The following CSMD1 variants were observed in gnomAD, a reference collection of about 807,000 sequenced individuals.
CSMD1 encodes CUB and Sushi multiple domains 1.
Under a neutral mutation model 417.5 loss-of-function variants are expected in CSMD1, and 213 were observed. The ratio of observed to expected loss-of-function variants is 0.51; its 90% CI spans 0.46 to 0.57. The LOEUF is 0.57. Ranked by LOEUF, CSMD1 falls within the 20% of genes least tolerant of loss-of-function variation. The pLI is 0.00. For synonymous variants in CSMD1, 2,862 were observed against 1,736.8 expected (o/e 1.65, Z -16.11); for missense variants, 6,923 against 4,529.7 (o/e 1.53, Z -15.17).
intron 2 of CSMD1, among the ~76,000 whole-genome samples, chr8:4,485,164 C>T (rs1029612123): frequency 2.0e-5 from 3 of 152,024 alleles, no homozygotes; most frequent in Non-Finnish European, 4.4e-5. Flanking sequence ...CCTTAGATGT[C>T]TACTGATTTG....
chr8:4,131,722 T>G (rs1803116012), intron 3 of CSMD1, among the ~76,000 whole-genome samples: 1 of 151,616 alleles, frequency 6.6e-6, no homozygotes, highest in African/African-American at 2.4e-5. Flanking sequence ...AACAATGCAG[T>G]TGTTATCAAG....
At chr8:3,075,272 C>T (rs199888126) in intron 49 of CSMD1, among the ~76,000 whole-genome samples, 7 of 69,806 alleles carry the variant, frequency 1.0e-4, no homozygotes, top group Non-Finnish European at 9.9e-5. Flanking sequence ...CTTTTCTTTT[C>T]TTTCTTTCTT....
intron 3 of CSMD1, among the ~76,000 whole-genome samples, chr8:4,104,396 G>A (rs916422834): frequency 2.0e-5 from 3 of 151,978 alleles, no homozygotes; most frequent in Non-Finnish European, 2.9e-5. Context: ...ACACACACAC[G>A]TGTACACACA....
At position 4,759,599 on chromosome 8, in the gene CSMD1, G is replaced by A. The variant is rs537774734; in HGVS notation, c.86-122041C>T. On this transcript the variant is annotated intron_variant, in intron 1 of 69. Coordinates refer to ENST00000635120, the MANE Select transcript of CSMD1 (RefSeq NM_033225.6). ...CCCCTGTCAGGTCCCCATGTGTGTT[G>A]TTCCCCTCCCTACGTCCATGTGTTC... is the stretch of plus-strand genomic sequence containing the variant. Among the ~76,000 whole-genome samples the A allele has an allele frequency of 4.1e-3, 621 of 152,072 alleles. 7 individuals are homozygous for A. Among genetic ancestry groups the A allele is most frequent in the Middle Eastern group, 0.017 (5 of 294 alleles).
chr8:4,879,839 T>A (rs1288774149), intron 1 of CSMD1, among the ~76,000 whole-genome samples: 1 of 152,074 alleles, frequency 6.6e-6, no homozygotes, highest in Non-Finnish European at 1.5e-5. Context: ...AAGATAAAAA[T>A]ATGCAATTTT....
rs1340059493 is a variant in CSMD1, at chr8:4,697,970, T to A, written c.86-60412A>T. ...CAAGACAAATAGTGATGCTTAAATGTAAGTATTCATTACCATCTAGATCTT... is the reference window on the plus strand; with the variant it reads ...CAAGACAAATAGTGATGCTTAAATGAAAGTATTCATTACCATCTAGATCTT... On this transcript the variant is annotated intron_variant, in intron 1 of 69. Transcript: ENST00000635120. Among the ~76,000 whole-genome samples the A allele has an allele frequency of 3.3e-5, 5 of 152,190 alleles. No individual in the cohort carries two copies. The East Asian group carries it at 9.6e-4, about 29-fold the overall frequency.
intron 1 of CSMD1, among the ~76,000 whole-genome samples, chr8:4,770,151 C>A (rs1030674946): frequency 2.7e-5 from 4 of 150,926 alleles, no homozygotes; most frequent in African/African-American, 9.7e-5. Context: ...AAGCAACATA[C>A]AGATTCAATA....
intron 10 of CSMD1, among the ~76,000 whole-genome samples, chr8:3,497,259 T>C (rs1165726365): frequency 3.3e-5 from 5 of 152,232 alleles, no homozygotes; most frequent in Non-Finnish European, 7.3e-5. Context: ...CAAGTCCACA[T>C]CTATTATTAT....
chr8:3,897,606 C>T (rs1584930139), intron 5 of CSMD1, among the ~76,000 whole-genome samples: 1 of 151,986 alleles, frequency 6.6e-6, no homozygotes, highest in African/African-American at 2.4e-5. Context: ...TTAAGTAACC[C>T]TAAACTGCAA....
chr8:3,177,203 G>A (rs867767819), intron 37 of CSMD1, among the ~76,000 whole-genome samples: 2 of 152,070 alleles, frequency 1.3e-5, no homozygotes, highest in African/African-American at 2.4e-5. Flanking sequence ...ACCAACTGTC[G>A]CAAGTGGAGC....
At chr8:4,923,992 G>C (rs1293889808) in intron 1 of CSMD1, among the ~76,000 whole-genome samples, 1 of 152,140 alleles carries the variant, frequency 6.6e-6, no homozygotes, top group South Asian at 2.1e-4. Context: ...GTTTAAGAAA[G>C]TTTTATAATA....
intron 1 of CSMD1, among the ~76,000 whole-genome samples, chr8:4,934,679 T>A (rs2117206841): frequency 6.6e-6 from 1 of 152,286 alleles, no homozygotes; most frequent in East Asian, 1.9e-4. Flanking sequence ...TCATCTATGA[T>A]CCATCTACTT....
intron 1 of CSMD1, among the ~76,000 whole-genome samples, chr8:4,938,752 A>T (rs1807787879): frequency 1.3e-5 from 2 of 152,328 alleles, no homozygotes; most frequent in Non-Finnish European, 2.9e-5. Context: ...GAAGGTTAAA[A>T]AGTGTGTGGC....
chr8:4,262,283 T>A (rs1016909423), intron 3 of CSMD1, among the ~76,000 whole-genome samples: 59 of 152,172 alleles, frequency 3.9e-4, no homozygotes, highest in Non-Finnish European at 7.1e-4. Flanking sequence ...GTTGAGCTTC[T>A]TCCTTTCTTG....
chr8:3,529,919 T>A (rs1432229142), intron 10 of CSMD1, among the ~76,000 whole-genome samples: 2 of 152,186 alleles, frequency 1.3e-5, no homozygotes, highest in Non-Finnish European at 2.9e-5. Flanking sequence ...TTTCTAGTCA[T>A]AGAATCAACA....
At chr8:4,782,478 C>G (rs1797204246) in intron 1 of CSMD1, among the ~76,000 whole-genome samples, 1 of 152,108 alleles carries the variant, frequency 6.6e-6, no homozygotes, top group Non-Finnish European at 1.5e-5. Context: ...TTAAAGAAAT[C>G]TTATTTAAGG....
At chr8:3,535,758 G>C (rs1051520026) in intron 10 of CSMD1, among the ~76,000 whole-genome samples, 2 of 152,134 alleles carry the variant, frequency 1.3e-5, no homozygotes, top group Admixed American at 6.5e-5. Context: ...TGTAGTGCTT[G>C]GCAGTTCACA....
intron 10 of CSMD1, among the ~76,000 whole-genome samples, chr8:3,501,623 T>C (rs976115849): frequency 6.6e-6 from 1 of 152,312 alleles, no homozygotes; most frequent in South Asian, 2.1e-4. Context: ...ACTGACGCTA[T>C]AATGTATCTG....
At chr8:3,588,056 G>C (rs762010775) in intron 8 of CSMD1, among the ~76,000 whole-genome samples, 2 of 151,086 alleles carry the variant, frequency 1.3e-5, no homozygotes, top group Non-Finnish European at 2.9e-5. Flanking sequence ...ATTGGTCTGT[G>C]TTTAAACCTC....
Sources: gnomAD v4.1 joint callset for allele counts (sites outside exome capture counted in the v4.1 genomes callset) on GRCh38, gnomAD v4.1.1 for gene constraint, MANE v1.5 for transcripts, NCBI Gene and HGNC (gene_info 2026-07-23, HGNC 2026-07-21) for gene names.